Variants in DOC2B observed in about 807,000 individuals in gnomAD.
DOC2B encodes double C2-like domain-containing protein beta.
Under a neutral mutation model 28.9 loss-of-function variants are expected in DOC2B, and 21 were observed. That is an observed-to-expected ratio of 0.73 (90% CI 0.52 to 1.05). The LOEUF (loss-of-function observed/expected upper bound fraction) is 1.05, where lower values mean the gene tolerates loss of function less well. DOC2B is among the 50% of genes least tolerant of loss of function. The pLI is 0.00. For synonymous variants in DOC2B, 194 were observed against 178.1 expected, an observed-to-expected ratio of 1.09 and a Z score of -0.71; for missense variants, 384 against 421.1, an observed-to-expected ratio of 0.91 and a Z score of 0.77.
Position 181,402 on chromosome 17 carries a change from G to A in DOC2B, c.78C>T (p.Pro26=). 2 of 1,171,412 alleles carry A rather than the reference G, an allele frequency of 1.7e-6. No individual in the cohort carries two copies. Among genetic ancestry groups the A allele is most frequent in the Non-Finnish European group, 2.1e-6 (2 of 941,802 alleles). 72.6% of individuals were successfully genotyped at this position (1,171,412 alleles called of 1,614,324 possible). A position where few individuals can be genotyped will look rare whatever the true frequency, so the allele number is the denominator to read the frequency against. ...CGGAGATCTGCTTGATGGGACGGATGGGGCCGGGGCACACGTCGATGGCCA... is the reference window on the plus strand; with the variant it reads ...CGGAGATCTGCTTGATGGGACGGATAGGGCCGGGGCACACGTCGATGGCCA... ...EHMAIDVCPG[P]IRPIKQISDY... The change falls in exon 1 of 9, where the codon CCC becomes CCT. Residue 26 remains proline, a synonymous_variant. Coordinates refer to ENST00000613549, the MANE Select transcript of DOC2B (RefSeq NM_003585.5). The surrounding 1 kb of genome is among the most constrained non-coding windows in gnomAD (Gnocchi z 7.0).
At chr17:161,001 G>C (rs2040195721) in intron 5 of DOC2B, among the ~76,000 whole-genome samples, 1 of 152,012 alleles carries the variant, frequency 6.6e-6, no homozygotes, top group Admixed American at 6.6e-5. Context: ...CCAAACCTCG[G>C]ATCTGCCCTT....
At chr17:161,146 T>C (rs570731846) in intron 5 of DOC2B, among the ~76,000 whole-genome samples, 1 of 152,240 alleles carries the variant, frequency 6.6e-6, no homozygotes, top group African/African-American at 2.4e-5. Context: ...CTCCTCCCTC[T>C]TCTTCAAGCC....
chr17:160,066 C>G (rs2040182991), intron 5 of DOC2B, among the ~76,000 whole-genome samples: 1 of 150,518 alleles, frequency 6.6e-6, no homozygotes, highest in East Asian at 2.0e-4. Context: ...CTCACTGCAA[C>G]CTCCGCCTCT....
At chr17:161,297 G>A (rs189360843) in intron 5 of DOC2B, 118 bp downstream of exon 5, 80 of 1,097,218 alleles carry the variant, frequency 7.3e-5, no homozygotes, top group East Asian at 5.7e-4. Context: ...TCACCTCCCC[G>A]GTCTCCCCTC....
At chr17:158,475 A>C (rs1392913877) in intron 5 of DOC2B, among the ~76,000 whole-genome samples, 2 of 152,198 alleles carry the variant, frequency 1.3e-5, no homozygotes, top group East Asian at 1.9e-4. Context: ...TGAGGTGAGC[A>C]GGGATGTTGA....
rs1424445297 is a variant in DOC2B at position 147,546 on chromosome 17, C to G, written c.1134G>C (p.Gly378=). 2.5e-6 allele frequency: 1 copy of G among 398,814 alleles called. No individual in the cohort carries two copies. The highest frequency in any genetic ancestry group is 3.6e-5 in the East Asian group (1 of 28,082). 24.7% of individuals were successfully genotyped at this position (398,814 alleles called of 1,614,324 possible). ...GGVVLGIHAK[G]ERLKHWFDCL... is the part of the protein sequence containing the mutation. ...AGTCAAACCAGTGCTTCAGGCGCTC[C>G]CCCTTGGCGTGGATGCCCAGAACCA... The change falls in exon 9 of 9, where the codon GGG becomes GGC. Residue 378 remains glycine (G), a synonymous_variant. Transcript: ENST00000613549.
intron 5 of DOC2B, among the ~76,000 whole-genome samples, chr17:156,620 T>C (rs1007127689): frequency 1.1e-4 from 17 of 152,202 alleles, no homozygotes; most frequent in African/African-American, 4.1e-4. Flanking sequence ...TACGGTGGCC[T>C]TCACAGCCCA....
In DOC2B at chr17:161,541, C is replaced by A. The variant is rs1555523246; in HGVS notation, c.639G>T (p.Arg213=). 3 of 1,551,516 alleles carry A rather than the reference C, an allele frequency of 1.9e-6. No individual in the cohort carries two copies. Among genetic ancestry groups the A allele is most frequent in the African/African-American group, 1.4e-5 (1 of 73,050 alleles). Residue 213 remains arginine, a splice_region_variant and synonymous_variant, in exon 5 of 9, where the codon CGG becomes CGT. Transcript: ENST00000613549. Reference sequence around the variant, plus strand: ...ATTTGTCCTCGTCACACACAGAGATCCTAGAGGGGGCGGTGGTGAGGGGCA... The same window carrying A: ...ATTTGTCCTCGTCACACACAGAGATACTAGAGGGGGCGGTGGTGAGGGGCA... The part of the protein sequence containing the change: ...TDEDMIRKTL[R]ISVCDEDKFR...
At chr17:175,152 C>G (rs533667772) in intron 1 of DOC2B, among the ~76,000 whole-genome samples, 29 of 152,270 alleles carry the variant, frequency 1.9e-4, no homozygotes, top group Middle Eastern at 3.4e-3. Context: ...GTGGGAGGAC[C>G]GCTTGAGCCC....
intron 3 of DOC2B, among the ~76,000 whole-genome samples, 192 bp downstream of exon 3, chr17:163,938 G>C (rs913004221): frequency 6.6e-6 from 1 of 152,224 alleles, no homozygotes; most frequent in African/African-American, 2.4e-5. Flanking sequence ...GTGTGGGGCA[G>C]ACTGGGTGCT....
rs1056496966 is a variant in DOC2B, at chr17:143,096, G to C, written c.*4345C>G. ...TGGATGAGTGGACAACAGCATGGTC[G>C]ACAGGTCCTGGTGCAAAATGTCTTG... On this transcript the variant is annotated 3_prime_UTR_variant, in exon 9 of 9. Transcript: ENST00000613549. 6.6e-6 allele frequency: 1 copy of C among 152,136 alleles called. No homozygotes were observed. 9.4% of individuals were successfully genotyped at this position (152,136 alleles called of 1,614,324 possible).
intron 5 of DOC2B, among the ~76,000 whole-genome samples, chr17:158,589 C>T (rs941231041): frequency 6.6e-6 from 1 of 152,204 alleles, no homozygotes; most frequent in African/African-American, 2.4e-5. Context: ...CCAATGCCAC[C>T]TCAGAATCCT....
intron 2 of DOC2B, among the ~76,000 whole-genome samples, chr17:166,283 G>T (rs190395421): frequency 6.6e-6 from 1 of 152,374 alleles, no homozygotes; most frequent in African/African-American, 2.4e-5. Flanking sequence ...CTGACCCGGG[G>T]TTCCGCCAGT....
chr17:149,381 GTCCCT>G (rs2040048497), intron 6 of DOC2B, among the ~76,000 whole-genome samples, 189 bp from the exon 7 acceptor site: 2 of 152,102 alleles, frequency 1.3e-5, no homozygotes, highest in Non-Finnish European at 2.9e-5. Flanking sequence ...GAAGCAAGTG[GTCCCT>G]TCATCCACCG....
chr17:160,352 G>A (rs1027574537), intron 5 of DOC2B, among the ~76,000 whole-genome samples: 1 of 152,214 alleles, frequency 6.6e-6, no homozygotes, highest in Non-Finnish European at 1.5e-5. Flanking sequence ...AAATGTCTGA[G>A]GGGGAGAGAA....
chr17:157,600 TAC>T (rs1567530262), intron 5 of DOC2B, among the ~76,000 whole-genome samples: 1 of 152,182 alleles, frequency 6.6e-6, no homozygotes, highest in Non-Finnish European at 1.5e-5. Flanking sequence ...TAGCTGGGAC[TAC>T]AGTCTAATTT....
At chr17:176,744 G>A (rs1040146334) in intron 1 of DOC2B, among the ~76,000 whole-genome samples, 4 of 152,214 alleles carry the variant, frequency 2.6e-5, no homozygotes, top group Non-Finnish European at 5.9e-5. Context: ...GACCCACAGT[G>A]CCCTGCCCTT....
chr17:156,760 T>G (rs1222407734), intron 5 of DOC2B, among the ~76,000 whole-genome samples: 1 of 152,156 alleles, frequency 6.6e-6, no homozygotes, highest in East Asian at 1.9e-4. Context: ...TTCAAAAAAA[T>G]AGAGACAGGG....
chr17:178,831 C>A (rs1419249716), intron 1 of DOC2B, among the ~76,000 whole-genome samples: 3 of 152,222 alleles, frequency 2.0e-5, no homozygotes, highest in Admixed American at 6.5e-5. Flanking sequence ...AATAGCATAA[C>A]CCTGGCTAAA....
Sources: gnomAD v4.1 joint callset for allele counts (sites outside exome capture counted in the v4.1 genomes callset) on GRCh38, gnomAD v4.1.1 for gene constraint, Gnocchi (gnomAD v3.1) non-coding constraint, MANE v1.5 for transcripts, NCBI Gene and HGNC (gene_info 2026-07-23, HGNC 2026-07-21) for gene names.